Variants in ATP2B1 observed in about 807,000 individuals in gnomAD.
ATP2B1 encodes ATPase plasma membrane Ca2+ transporting 1, also known as plasma membrane calcium-transporting ATPase 1.
A neutral mutation model predicts 124.2 loss-of-function variants in ATP2B1; 14 were observed. The observed-to-expected ratio is 0.11, with a 90% CI of 0.07 to 0.18. ATP2B1 has a LOEUF of 0.18. ATP2B1 is among the 10% of genes least tolerant of loss of function. The pLI is 1.00. For synonymous variants in ATP2B1, 449 were observed against 492.4 expected (o/e 0.91, Z 1.17); for missense variants, 763 against 1,466.1 (o/e 0.52, Z 7.83).
chr12:89,608,783 A>T (rs1403559492), intron 15 of ATP2B1, among the ~76,000 whole-genome samples: 1 of 152,210 alleles, frequency 6.6e-6, no homozygotes, highest in Non-Finnish European at 1.5e-5. Context: ...GAGTGATCCT[A>T]TGTTCCTAAA....
At chr12:89,704,162 A>G (rs1892178685) in intron 1 of ATP2B1, among the ~76,000 whole-genome samples, 2 of 152,224 alleles carry the variant, frequency 1.3e-5, no homozygotes, top group Non-Finnish European at 2.9e-5. Context: ...ACAAGTGCAT[A>G]AAAAGTTACA....
At chr12:89,680,622 C>T (rs902214136) in intron 1 of ATP2B1, among the ~76,000 whole-genome samples, 5 of 152,084 alleles carry the variant, frequency 3.3e-5, no homozygotes, top group Non-Finnish European at 5.9e-5. Context: ...AGATCCAACA[C>T]TGTATAACTG....
At chr12:89,618,220 G>T (rs982152490) in intron 11 of ATP2B1, among the ~76,000 whole-genome samples, 3 of 151,930 alleles carry the variant, frequency 2.0e-5, no homozygotes, top group Non-Finnish European at 2.9e-5. Context: ...AATTTTAACT[G>T]CTCAGCCCAA....
At chr12:89,605,191 C>A (rs539174730) in intron 15 of ATP2B1, among the ~76,000 whole-genome samples, 1 of 152,202 alleles carries the variant, frequency 6.6e-6, no homozygotes, top group African/African-American at 2.4e-5. Context: ...TGCAGAGAGA[C>A]AAGGCAGTAA....
At chr12:89,607,317 C>G (rs150728563) in intron 15 of ATP2B1, among the ~76,000 whole-genome samples, 1 of 152,278 alleles carries the variant, frequency 6.6e-6, no homozygotes, top group African/African-American at 2.4e-5. Flanking sequence ...GTACATAATT[C>G]GCTGATGAAT....
rs780080839 is a variant in ATP2B1 at position 89,627,683 on chromosome 12, T to C, written c.962A>G (p.Asn321Ser). The C allele has an allele frequency of 1.9e-6, 3 of 1,613,922 alleles. No homozygotes were observed. Among genetic ancestry groups the C allele is most frequent in the Admixed American group, 1.7e-5 (1 of 60,016 alleles). Residue 321 changes from asparagine to serine, a missense_variant, in exon 7 of 21, where the codon AAC becomes AGC. This residue lies in a region of ATP2B1 where 392 missense variants were observed against 776.6 expected (regional missense o/e 0.50). Coordinates refer to ENST00000428670, the MANE Select transcript of ATP2B1 (RefSeq NM_001366521.1). ...KKQDGAIENR[N>S]KAKAQDGAAM... The stretch of plus-strand genomic sequence containing the variant: ...TTTTGTCCTCCTAAATTTACCTTTG[T>C]TGCGATTCTCAATAGCTCCATCTTG...
At chr12:89,678,982 T>C (rs80063732) in intron 1 of ATP2B1, among the ~76,000 whole-genome samples, 39 of 152,302 alleles carry the variant, frequency 2.6e-4, no homozygotes, top group African/African-American at 8.9e-4. Flanking sequence ...CCATTTCATA[T>C]TGTTACTTCT....
chr12:89,639,911 G>A (rs1445391836), intron 3 of ATP2B1, among the ~76,000 whole-genome samples: 1 of 152,068 alleles, frequency 6.6e-6, no homozygotes, highest in East Asian at 1.9e-4. Context: ...AAAGTAAAAA[G>A]CTTTTATTAA....
intron 1 of ATP2B1, among the ~76,000 whole-genome samples, chr12:89,693,569 G>A (rs926501294): frequency 6.6e-6 from 1 of 151,024 alleles, no homozygotes; most frequent in Admixed American, 6.6e-5. Flanking sequence ...AATTGTCCAT[G>A]CCTATTAAGT....
intron 1 of ATP2B1, among the ~76,000 whole-genome samples, chr12:89,678,553 T>C (rs1198654627): frequency 6.6e-6 from 1 of 152,132 alleles, no homozygotes; most frequent in Non-Finnish European, 1.5e-5. Context: ...CAGAGTAAGA[T>C]TTCACACACT....
chr12:89,629,163 T>C (rs1157554911), intron 6 of ATP2B1, among the ~76,000 whole-genome samples: 1 of 152,158 alleles, frequency 6.6e-6, no homozygotes, highest in Non-Finnish European at 1.5e-5. Flanking sequence ...CAGCGTTCAA[T>C]GACTTTCAAC....
intron 2 of ATP2B1, among the ~76,000 whole-genome samples, chr12:89,654,704 C>T (rs1885741855): frequency 6.6e-6 from 1 of 151,946 alleles, no homozygotes; most frequent in Non-Finnish European, 1.5e-5. Flanking sequence ...AGACTTTTTG[C>T]TATTACATTA....
intron 3 of ATP2B1, among the ~76,000 whole-genome samples, chr12:89,637,493 G>A (rs1882887791): frequency 6.6e-6 from 1 of 151,010 alleles, no homozygotes; most frequent in Non-Finnish European, 1.5e-5. Flanking sequence ...CTCACTGCAT[G>A]CTCAAGCAAT....
At chr12:89,615,836 G>C (rs1020869397) in intron 12 of ATP2B1, among the ~76,000 whole-genome samples, 1 of 151,966 alleles carries the variant, frequency 6.6e-6, no homozygotes, top group East Asian at 1.9e-4. Flanking sequence ...ATACATTCTC[G>C]ATTTTTTAAA....
At chr12:89,705,721 A>G (rs1892370388) in intron 1 of ATP2B1, among the ~76,000 whole-genome samples, 1 of 152,174 alleles carries the variant, frequency 6.6e-6, no homozygotes, top group Admixed American at 6.5e-5. Context: ...TAGCTCAAAT[A>G]ATGTCCTTTA....
intron 5 of ATP2B1, among the ~76,000 whole-genome samples, chr12:89,632,045 G>A (rs1448552540): frequency 6.6e-6 from 1 of 152,046 alleles, no homozygotes; most frequent in Non-Finnish European, 1.5e-5. Context: ...ACGGTTCTCC[G>A]ACTTGTACAT....
At chr12:89,665,750 G>A (rs1237566630) in intron 1 of ATP2B1, among the ~76,000 whole-genome samples, 1 of 152,160 alleles carries the variant, frequency 6.6e-6, no homozygotes, top group Non-Finnish European at 1.5e-5. Flanking sequence ...ACACTTGAAT[G>A]TCACACCAGC....
In ATP2B1 at chr12:89,591,055, T is replaced by C. The variant is rs115449702; in HGVS notation, c.3592A>G (p.Ile1198Val). 6 of 1,613,146 alleles carry C rather than the reference T, an allele frequency of 3.7e-6. No individual in the cohort carries two copies. The highest frequency in any genetic ancestry group is 2.2e-5 in the East Asian group (1 of 44,872). The change falls in exon 21 of 21, where the codon ATA (isoleucine) becomes GTA (valine). Residue 1198 changes from isoleucine to valine, a missense_variant. Physicochemically the swap from Ile to Val is conservative, Grantham distance 29. Coordinates refer to ENST00000428670, the MANE Select transcript of ATP2B1 (RefSeq NM_001366521.1). ...NAVDSGIHLTIEMNKSATSSS... is the reference protein window; with the variant it reads ...NAVDSGIHLTVEMNKSATSSS... ...GAGGTAGCAGACTTGTTCATTTCTA[T>C]TGTAAGGTGAATTCCACTGTCAACA...
intron 16 of ATP2B1, 61 bp downstream of exon 16, chr12:89,604,094 G>T: frequency 6.7e-7 from 1 of 1,492,744 alleles, no homozygotes; most frequent in Middle Eastern, 2.3e-4. Flanking sequence ...TTTTTAAGAG[G>T]CATTTAATAT....
Sources: allele counts gnomAD v4.1 joint callset (sites outside exome capture counted in the v4.1 genomes callset), GRCh38; gene constraint gnomAD v4.1.1; regional missense constraint gnomAD v4.1.1; transcripts MANE v1.5; gene names NCBI Gene and HGNC (gene_info 2026-07-23, HGNC 2026-07-21).